PPAT: variants seen among roughly 807,000 people sequenced by gnomAD.
PPAT encodes the protein amidophosphoribosyltransferase.
A neutral mutation model predicts 60.2 loss-of-function variants in PPAT; 20 were observed. The observed-to-expected ratio is 0.33, with a 90% CI of 0.23 to 0.48. The LOEUF is 0.48. PPAT is among the 20% of genes least tolerant of loss of function. The pLI, the probability that PPAT is intolerant of heterozygous loss-of-function variation, is 0.99. For synonymous variants in PPAT, 194 were observed against 215.1 expected (o/e 0.90, Z 0.86); for missense variants, 349 against 629.6 (o/e 0.55, Z 4.77).
intron 1 of PPAT, chr4:56,410,704 C>T (rs765742314): frequency 4.0e-5 from 39 of 986,064 alleles, no homozygotes; most frequent in Non-Finnish European, 4.6e-5. Flanking sequence ...GGGCTAAGTA[C>T]AAAAATCTCA....
rs2110035026 is a variant in PPAT, at chr4:56,394,004, C to T, written c.*1348G>A. 6.6e-6 allele frequency: 1 copy of T among 152,242 alleles called. No homozygotes were observed. The highest frequency in any genetic ancestry group is 2.4e-5 in the African/African-American group (1 of 41,516). The allele number at this position is 152,242 out of a possible 1,614,324, so 9.4% of individuals were successfully genotyped here. A position where few individuals can be genotyped will look rare whatever the true frequency, so the allele number is the denominator to read the frequency against. On this transcript the variant is annotated 3_prime_UTR_variant, in exon 11 of 11. Coordinates refer to ENST00000264220, the MANE Select transcript of PPAT (RefSeq NM_002703.5). ...TATACCAAAGGAAGACAAACAGTTTCAGTTATTAATAAATATTAAATTTCT... is the reference window on the plus strand; with the variant it reads ...TATACCAAAGGAAGACAAACAGTTTTAGTTATTAATAAATATTAAATTTCT...
chr4:56,397,700 T>C (rs1006803048), intron 9 of PPAT, among the ~76,000 whole-genome samples: 1 of 152,124 alleles, frequency 6.6e-6, no homozygotes, highest in Non-Finnish European at 1.5e-5. Flanking sequence ...AATAAATATA[T>C]ACATTTGTCA....
intron 1 of PPAT, among the ~76,000 whole-genome samples, chr4:56,415,095 T>C (rs1447124015): frequency 2.0e-5 from 3 of 152,196 alleles, no homozygotes; most frequent in African/African-American, 7.2e-5. Context: ...TCAATGGGAA[T>C]GCCTGTAAAC....
intron 8 of PPAT, 154 bp downstream of exon 8, chr4:56,400,630 C>T (rs1716087002): frequency 3.6e-6 from 3 of 822,770 alleles, no homozygotes; most frequent in Non-Finnish European, 5.2e-6. Context: ...GGATAAAAAG[C>T]CTGGAAAATA....
Position 56,395,556 on chromosome 4 carries a change from AAG to A in PPAT, c.1358-10_1358-9del, listed in dbSNP as rs746494555. The stretch of plus-strand genomic sequence containing the variant: ...ACACAACACTGTTTGCTCCTAAAGA[AAG>A]AGGGAAAAATAAAAATGTAATAAGA... On this transcript the variant is annotated splice_polypyrimidine_tract_variant and intron_variant, in intron 10 of 10. Coordinates refer to ENST00000264220, the MANE Select transcript of PPAT (RefSeq NM_002703.5). 8.0e-6 allele frequency: 12 copies of A among 1,506,734 alleles called. No individual in the cohort carries two copies. The South Asian group carries it at 1.6e-4, about 20-fold the overall frequency. 93.3% of individuals were successfully genotyped at this position (1,506,734 alleles called of 1,614,324 possible).
intron 6 of PPAT, among the ~76,000 whole-genome samples, 159 bp downstream of exon 6, chr4:56,401,944 CAGTGCA>C (rs1716122802): frequency 6.6e-6 from 1 of 152,134 alleles, no homozygotes; most frequent in Non-Finnish European, 1.5e-5. Flanking sequence ...ACATTAAACT[CAGTGCA>C]ACTGCTGAGC....
At chr4:56,410,665 AG>A (rs1223020120) in intron 1 of PPAT, 8 of 986,488 alleles carry the variant, frequency 8.1e-6, no homozygotes, top group Non-Finnish European at 9.6e-6. Context: ...TGCAATCATT[AG>A]GAGTATACAG....
In PPAT at chr4:56,402,119, T is replaced by C. The variant is rs762207633; in HGVS notation, c.724A>G (p.Ile242Val). 6.9e-6 allele frequency: 11 copies of C among 1,597,144 alleles called. No homozygotes were observed. Among genetic ancestry groups the C allele is most frequent in the Non-Finnish European group, 8.6e-6 (10 of 1,167,544 alleles). Reference protein sequence around the residue: ...VSSESCSFLSIGARYYREVLP... With the variant: ...VSSESCSFLSVGARYYREVLP... ...CAAGGTAAAACTTACCTTGCACCAATAGATAAGAAGCTACAAGATTCTGAA... is the reference window on the plus strand; with the variant it reads ...CAAGGTAAAACTTACCTTGCACCAACAGATAAGAAGCTACAAGATTCTGAA... The change falls in exon 6 of 11, where the codon ATT (isoleucine) becomes GTT (valine). Residue 242 changes from isoleucine (I) to valine (V), a missense_variant. Ile to Val is a conservative substitution (Grantham distance 29). Transcript: ENST00000264220.
At chr4:56,421,712 G>C (rs1717047167) in intron 1 of PPAT, 1 of 152,160 alleles carries the variant, frequency 6.6e-6, no homozygotes, top group South Asian at 2.1e-4. Flanking sequence ...GAAAGAAACT[G>C]GTATGCTAGA....
chr4:56,423,171 T>C (rs1019781312), intron 1 of PPAT: 11 of 152,234 alleles, frequency 7.2e-5, no homozygotes, highest in Admixed American at 3.9e-4. Flanking sequence ...CAAAGCTTCA[T>C]ATAACTTCAC....
At position 56,398,036 on chromosome 4, in the gene PPAT, G is replaced by C. The variant is rs958938268; in HGVS notation, c.1236+1143C>G. On this transcript the variant is annotated intron_variant, in intron 9 of 10. Coordinates refer to ENST00000264220, the MANE Select transcript of PPAT (RefSeq NM_002703.5). ...CAACCAGGTGACACAGTGAGTCCCA[G>C]TATCAAGGAAAAAAGAAAAAAAGGC... Among the ~76,000 whole-genome samples, 5 of 143,128 alleles carry C rather than the reference G, an allele frequency of 3.5e-5. No homozygotes were observed. In the Admixed American group the frequency reaches 3.5e-4, roughly 10 times the overall value. 93.9% of individuals were successfully genotyped at this position (143,128 alleles called of 152,430 possible). A position where few individuals can be genotyped will look rare whatever the true frequency, so the allele number is the denominator to read the frequency against.
chr4:56,420,033 G>A (rs568573437), intron 1 of PPAT: 1 of 981,196 alleles, frequency 1.0e-6, no homozygotes, highest in African/African-American at 1.7e-5. Context: ...CGTAAAAATG[G>A]GAGAGGACCA....
intron 9 of PPAT, 120 bp downstream of exon 9, chr4:56,399,059 G>C: frequency 1.2e-6 from 1 of 819,072 alleles, no homozygotes; most frequent in South Asian, 1.8e-5. Flanking sequence ...AAACCAAACT[G>C]ATAAAAAAAG....
chr4:56,404,313 T>C (rs1716189788), intron 3 of PPAT, among the ~76,000 whole-genome samples: 1 of 152,216 alleles, frequency 6.6e-6, no homozygotes. Context: ...ACTACAGTGA[T>C]AACTTTCAAG....
intron 1 of PPAT, chr4:56,410,647 T>TA: frequency 1.0e-6 from 1 of 986,914 alleles, no homozygotes; most frequent in Non-Finnish European, 1.2e-6. Context: ...TTTACATTGC[T>TA]AAAAGGCTGC....
intron 1 of PPAT, among the ~76,000 whole-genome samples, chr4:56,427,949 G>T (rs1717380885): frequency 6.6e-6 from 1 of 152,166 alleles, no homozygotes; most frequent in Non-Finnish European, 1.5e-5. Flanking sequence ...AAATGTCTAT[G>T]CCCACTTCTC....
Position 56,403,192 on chromosome 4 carries a change from TTAATTAAA to T in PPAT, c.516-15_516-8del, listed in dbSNP as rs1347048922. ...CTTCATCAAGTTTTTAATCCTGGAA[TTAATTAAA>T]TAATTGAATGAATAACTTCAGTTAT... On this transcript the variant is annotated splice_polypyrimidine_tract_variant and splice_region_variant and intron_variant, in intron 4 of 10. Transcript: ENST00000264220. The T allele has an allele frequency of 6.3e-7, 1 of 1,583,808 alleles. No homozygotes were observed. The highest frequency in any genetic ancestry group is 8.6e-7 in the Non-Finnish European group (1 of 1,161,848).
In PPAT at chr4:56,394,786, C is replaced by T. The variant is rs1157591058; in HGVS notation, c.*566G>A. On this transcript the variant is annotated 3_prime_UTR_variant, in exon 11 of 11. Transcript: ENST00000264220. Reference sequence around the variant, plus strand: ...GATGGCTCAAATCACAAAAGTATGACACTTATTCACATTCTTATTAATTAT... The same window carrying T: ...GATGGCTCAAATCACAAAAGTATGATACTTATTCACATTCTTATTAATTAT... 1 of 150,646 alleles carries T rather than the reference C, an allele frequency of 6.6e-6. No homozygotes were observed. Among genetic ancestry groups the T allele is most frequent in the Admixed American group, 6.6e-5 (1 of 15,154 alleles). The allele number at this position is 150,646 out of a possible 1,614,324, so 9.3% of individuals were successfully genotyped here. A position where few individuals can be genotyped will look rare whatever the true frequency, so the allele number is the denominator to read the frequency against.
intron 1 of PPAT, chr4:56,420,245 T>C (rs12503412): frequency 0.19 from 29,338 of 152,734 alleles, 3,167 homozygotes; most frequent in Admixed American, 0.33. Flanking sequence ...GTGTTTCATA[T>C]ATATAGCTTA....
Sources: gnomAD v4.1 joint callset for allele counts (sites outside exome capture counted in the v4.1 genomes callset) on GRCh38, gnomAD v4.1.1 for gene constraint, MANE v1.5 for transcripts, NCBI Gene and HGNC (gene_info 2026-07-23, HGNC 2026-07-21) for gene names.